RASGRF1: variants seen among roughly 807,000 people sequenced by gnomAD.
RASGRF1 encodes ras-specific guanine nucleotide-releasing factor 1.
A neutral mutation model predicts 138.7 loss-of-function variants in RASGRF1; 40 were observed. That is an observed-to-expected ratio of 0.29 (90% CI 0.22 to 0.38). The LOEUF (loss-of-function observed/expected upper bound fraction) is 0.38. Among genes scored for constraint, RASGRF1 ranks in the 10% least tolerant of loss-of-function variants. The probability of loss-of-function intolerance (pLI) is 1.00; values close to 1 mark genes in which losing one functional copy is unlikely to be tolerated. For synonymous variants in RASGRF1, 614 were observed against 663.2 expected, an observed-to-expected ratio of 0.93 and a Z score of 1.14; for missense variants, 1,108 against 1,650.4, an observed-to-expected ratio of 0.67 and a Z score of 5.69.
intron 1 of RASGRF1, among the ~76,000 whole-genome samples, chr15:79,075,899 A>G (rs2057826670): frequency 6.6e-6 from 1 of 152,222 alleles, no homozygotes; most frequent in South Asian, 2.1e-4. Flanking sequence ...GCCTTGGTCT[A>G]TTCTATACAC....
intron 5 of RASGRF1, among the ~76,000 whole-genome samples, chr15:79,042,439 G>A (rs942484946): frequency 1.3e-5 from 2 of 152,230 alleles, no homozygotes; most frequent in South Asian, 4.1e-4. Flanking sequence ...TCCTGGATCA[G>A]CCCCCACAGC....
intron 10 of RASGRF1, among the ~76,000 whole-genome samples, chr15:79,024,901 TAC>T (rs113543109): frequency 6.7e-5 from 10 of 149,530 alleles, no homozygotes; most frequent in African/African-American, 2.5e-4. Flanking sequence ...CACGCACACA[TAC>T]ACACACACGC....
chr15:79,070,867 A>G (rs1419887940), intron 1 of RASGRF1, among the ~76,000 whole-genome samples: 1 of 152,152 alleles, frequency 6.6e-6, no homozygotes, highest in Non-Finnish European at 1.5e-5. Context: ...GCCCTACTCC[A>G]TTTTAGAAGT....
chr15:78,978,583 G>A, intron 24 of RASGRF1: 2 of 988,540 alleles, frequency 2.0e-6, no homozygotes, highest in Non-Finnish European at 2.4e-6. Flanking sequence ...TGAATGGGCT[G>A]CAGACCAACA....
At chr15:79,083,294 C>CA (rs754614817) in intron 1 of RASGRF1, among the ~76,000 whole-genome samples, 4 of 152,228 alleles carry the variant, frequency 2.6e-5, no homozygotes, top group Admixed American at 6.5e-5. Flanking sequence ...CAGTCGCCCT[C>CA]ACGGAAGTGT....
rs765481020 is a variant in RASGRF1, at chr15:79,090,262, G to A, written c.237C>T (p.Pro79=). The A allele has an allele frequency of 7.5e-6, 12 of 1,610,172 alleles. No homozygotes were observed. The highest frequency in any genetic ancestry group is 1.3e-5 in the African/African-American group (1 of 74,912). Residue 79 remains proline, a synonymous_variant, in exon 1 of 27, where the codon CCC becomes CCT. Coordinates refer to ENST00000558480, the MANE Select transcript of RASGRF1 (RefSeq NM_001145648.3). ...EGCVCDRAPS[P]KPALSAKEPL... is the part of the protein sequence containing the mutation. ...GCTCCTTGGCCGACAGCGCCGGCTT[G>A]GGGGAGGGCGCGCGGTCGCAGACGC...
intron 1 of RASGRF1, chr15:79,064,789 T>C (rs561213710): frequency 1.1e-4 from 50 of 445,150 alleles, no homozygotes; most frequent in Non-Finnish European, 1.8e-4. Context: ...AACAACAAAT[T>C]GCAAAAAAGC....
intron 1 of RASGRF1, among the ~76,000 whole-genome samples, chr15:79,075,782 T>C (rs781377379): frequency 8.5e-5 from 13 of 152,306 alleles, no homozygotes; most frequent in African/African-American, 2.4e-4. Flanking sequence ...GAACCCTCCA[T>C]AGCTGAGTCT....
intron 5 of RASGRF1, among the ~76,000 whole-genome samples, chr15:79,037,777 A>T (rs749285360): frequency 6.6e-6 from 1 of 151,994 alleles, no homozygotes; most frequent in Non-Finnish European, 1.5e-5. Context: ...TTATTATTAC[A>T]TTGTAATATA....
chr15:78,984,039 G>A (rs1461534608), intron 23 of RASGRF1, among the ~76,000 whole-genome samples: 1 of 152,098 alleles, frequency 6.6e-6, no homozygotes, highest in South Asian at 2.1e-4. Flanking sequence ...TGGACATGTC[G>A]TCTGCTTGGT....
intron 3 of RASGRF1, among the ~76,000 whole-genome samples, chr15:79,052,484 C>A (rs757414946): frequency 1.3e-5 from 2 of 152,184 alleles, no homozygotes; most frequent in Non-Finnish European, 2.9e-5. Context: ...TTTGTGCCAA[C>A]CTTATCAGCA....
At chr15:79,033,989 G>A (rs1024531558) in intron 6 of RASGRF1, among the ~76,000 whole-genome samples, 5 of 152,172 alleles carry the variant, frequency 3.3e-5, no homozygotes, top group African/African-American at 7.2e-5. Flanking sequence ...ACCACCTGAC[G>A]GACAATGTCT....
At chr15:79,020,012 A>C (rs2056936978) in intron 11 of RASGRF1, 29 bp downstream of exon 11, 2 of 1,612,296 alleles carry the variant, frequency 1.2e-6, no homozygotes, top group Non-Finnish European at 1.7e-6. Context: ...GCAAGCACAC[A>C]CATGCGCACA....
rs2056666044 is a variant in RASGRF1, at chr15:79,006,056, C to T, written c.2075+130G>A. 3 of 1,347,548 alleles carry T rather than the reference C, an allele frequency of 2.2e-6. No individual in the cohort carries two copies. Among genetic ancestry groups the T allele is most frequent in the South Asian group, 1.4e-5 (1 of 73,138 alleles). 83.5% of individuals were successfully genotyped at this position (1,347,548 alleles called of 1,614,324 possible). A position where few individuals can be genotyped will look rare whatever the true frequency, so the allele number is the denominator to read the frequency against. ...GGGGGCAGTGGCGGTGTGTGTCCCG[C>T]AGCACCCCAACACGTTACTGCTGCT... On this transcript the variant is annotated intron_variant, in intron 14 of 26. Transcript: ENST00000558480. The surrounding 1 kb of genome is among the most constrained non-coding windows in gnomAD (Gnocchi z 4.0).
At position 78,985,084 on chromosome 15, in the gene RASGRF1, C is replaced by T. The variant is rs2056121766; in HGVS notation, c.3337G>A (p.Val1113Ile). ...TTCATGGACGAGGTGATCTCCAGTA[C>T]GGCATTGTAGTTGTGGAGGCAGCGG... ...ICRCLHNYNA[V>I]LEITSSMNRS... Residue 1113 changes from valine to isoleucine, a missense_variant, in exon 23 of 27, where the codon GTA becomes ATA. Around this residue, in one of 3 missense-constraint regions of RASGRF1, gnomAD observed 686 missense variants for 976.7 expected, o/e 0.70. Transcript: ENST00000558480. 3.7e-6 allele frequency: 6 copies of T among 1,613,904 alleles called. No individual in the cohort carries two copies. The highest frequency in any genetic ancestry group is 5.1e-6 in the Non-Finnish European group (6 of 1,179,938).
At chr15:78,972,400 T>G (rs1452073991) in intron 25 of RASGRF1, among the ~76,000 whole-genome samples, 1 of 150,950 alleles carries the variant, frequency 6.6e-6, no homozygotes, top group Non-Finnish European at 1.5e-5. Flanking sequence ...CGGCCTCATG[T>G]TTTTTTTCTT....
intron 24 of RASGRF1, chr15:78,978,470 C>G: frequency 3.2e-6 from 3 of 936,998 alleles, no homozygotes; most frequent in Non-Finnish European, 3.8e-6. Flanking sequence ...AGTGATCTGC[C>G]CACCTCGGCC....
chr15:78,984,638 G>C (rs1046607905), intron 23 of RASGRF1: 1 of 282,726 alleles, frequency 3.5e-6, no homozygotes, highest in Non-Finnish European at 7.0e-6. Flanking sequence ...TCCTCCGATG[G>C]AAGGGTCCTC....
intron 9 of RASGRF1, among the ~76,000 whole-genome samples, chr15:79,026,036 C>A (rs1488772736): frequency 6.6e-6 from 1 of 152,190 alleles, no homozygotes; most frequent in Non-Finnish European, 1.5e-5. Flanking sequence ...GCTTCTCAGT[C>A]CTCAGCACAG....
Sources: allele counts gnomAD v4.1 joint callset (sites outside exome capture counted in the v4.1 genomes callset), GRCh38; gene constraint gnomAD v4.1.1; regional missense constraint gnomAD v4.1.1; non-coding constraint Gnocchi (gnomAD v3.1); transcripts MANE v1.5; gene names NCBI Gene and HGNC (gene_info 2026-07-23, HGNC 2026-07-21).